Variants in CNTN5 observed in about 807,000 individuals in gnomAD.
CNTN5 encodes contactin 5.
A neutral mutation model predicts 129.1 loss-of-function variants in CNTN5; 77 were observed. The ratio of observed to expected loss-of-function variants is 0.60; its 90% CI spans 0.50 to 0.72. The LOEUF is 0.72. Among genes scored for constraint, CNTN5 ranks in the 30% least tolerant of loss-of-function variants. The pLI is 0.00. For synonymous variants in CNTN5, 509 were observed against 465.6 expected (o/e 1.09, Z -1.20); for missense variants, 1,478 against 1,328.8 (o/e 1.11, Z -1.75).
At chr11:100,174,823 G>A (rs1195965052) in intron 13 of CNTN5, among the ~76,000 whole-genome samples, 6 of 152,078 alleles carry the variant, frequency 3.9e-5, no homozygotes, top group Non-Finnish European at 7.4e-5. Flanking sequence ...CTGAGCCCCA[G>A]GGGTGGTGGC....
chr11:99,630,800 GTGT>G (rs1223088619), intron 3 of CNTN5, among the ~76,000 whole-genome samples: 1 of 152,054 alleles, frequency 6.6e-6, no homozygotes, highest in Non-Finnish European at 1.5e-5. Flanking sequence ...AGATTCTTCA[GTGT>G]TGTTGCTTTT....
intron 23 of CNTN5, among the ~76,000 whole-genome samples, chr11:100,350,481 T>C (rs1952382487): frequency 6.6e-6 from 1 of 151,794 alleles, no homozygotes; most frequent in Non-Finnish European, 1.5e-5. Flanking sequence ...CCTCTGGAAG[T>C]CCTTCACTAA....
intron 16 of CNTN5, among the ~76,000 whole-genome samples, chr11:100,235,188 T>G (rs1367012309): frequency 3.9e-5 from 6 of 152,230 alleles, no homozygotes; most frequent in Non-Finnish European, 7.3e-5. Context: ...TCCCATTTAT[T>G]TATATATTTT....
At chr11:99,496,388 G>A (rs543290307) in intron 2 of CNTN5, among the ~76,000 whole-genome samples, 44 of 152,202 alleles carry the variant, frequency 2.9e-4, no homozygotes, top group African/African-American at 1.0e-3. Context: ...CAGAAAGGTA[G>A]GATGAAATGT....
chr11:99,660,866 G>A (rs1055062533), intron 3 of CNTN5, among the ~76,000 whole-genome samples: 2 of 151,662 alleles, frequency 1.3e-5, no homozygotes, highest in Admixed American at 6.6e-5. Context: ...TAGTTCCTTG[G>A]TAAAGTTTTC....
chr11:99,679,096 A>T (rs1953435331), intron 3 of CNTN5, among the ~76,000 whole-genome samples: 1 of 144,606 alleles, frequency 6.9e-6, no homozygotes, highest in Non-Finnish European at 1.5e-5. Flanking sequence ...ACATATACAC[A>T]CATATATAGG....
At chr11:100,123,818 C>T (rs1403981798) in intron 13 of CNTN5, among the ~76,000 whole-genome samples, 1 of 151,664 alleles carries the variant, frequency 6.6e-6, no homozygotes, top group African/African-American at 2.4e-5. Context: ...TTGAGTTAAC[C>T]AGTATTTATT....
chr11:99,052,538 T>C (rs1864469758), intron 1 of CNTN5, among the ~76,000 whole-genome samples: 1 of 151,974 alleles, frequency 6.6e-6, no homozygotes, highest in South Asian at 2.1e-4. Context: ...AGATTTAGGT[T>C]TGTGCATACA....
rs976441803 is a variant in CNTN5 at position 100,332,656 on chromosome 11, G to A, written c.2731-7807G>A. ...GATACAGGGATAGTTTAACACGTAA[G>A]TCAGTAAATGTGATACACCACATAA... is the stretch of plus-strand genomic sequence containing the variant. On this transcript the variant is annotated intron_variant, in intron 21 of 24. Coordinates refer to ENST00000524871, the MANE Select transcript of CNTN5 (RefSeq NM_014361.4). Among the ~76,000 whole-genome samples the A allele has an allele frequency of 3.6e-4, 54 of 152,062 alleles. 3 individuals carry two copies. Among genetic ancestry groups the A allele is most frequent in the Non-Finnish European group, 1.5e-5 (1 of 67,976 alleles).
chr11:100,009,451 T>TAA (rs35373665), intron 9 of CNTN5, among the ~76,000 whole-genome samples: 1 of 148,662 alleles, frequency 6.7e-6, no homozygotes, highest in Non-Finnish European at 1.5e-5. Context: ...CAGCAAAGTG[T>TAA]AAAAAAAAAA....
chr11:100,059,694 A>T (rs1008838954), intron 9 of CNTN5, among the ~76,000 whole-genome samples: 1 of 152,152 alleles, frequency 6.6e-6, no homozygotes, highest in African/African-American at 2.4e-5. Flanking sequence ...ATCAAATGCG[A>T]TGCTGGCAAA....
intron 1 of CNTN5, among the ~76,000 whole-genome samples, chr11:99,321,533 A>T (rs538080926): frequency 6.6e-6 from 1 of 152,038 alleles, no homozygotes; most frequent in Admixed American, 6.6e-5. Flanking sequence ...ACCTCCTTTG[A>T]TAATAAGTAT....
intron 7 of CNTN5, among the ~76,000 whole-genome samples, chr11:99,937,037 C>A (rs1950331253): frequency 6.6e-6 from 1 of 152,068 alleles, no homozygotes; most frequent in African/African-American, 2.4e-5. Flanking sequence ...ATATTTTATT[C>A]TCCTGCTAAA....
At chr11:99,812,458 CA>C (rs1452335128) in intron 3 of CNTN5, among the ~76,000 whole-genome samples, 1 of 151,928 alleles carries the variant, frequency 6.6e-6, no homozygotes, top group East Asian at 1.9e-4. Context: ...ATAATAATAA[CA>C]AAAAATAATA....
rs951032939 is a variant in CNTN5, at chr11:99,316,445, T to C, written c.-209-8901T>C. Among the ~76,000 whole-genome samples, 5 of 152,218 alleles carry C rather than the reference T, an allele frequency of 3.3e-5. No homozygotes were observed. The East Asian group carries it at 9.6e-4, about 29-fold the overall frequency. On this transcript the variant is annotated intron_variant, in intron 1 of 24. Transcript: ENST00000524871. Reference sequence around the variant, plus strand: ...ATTTCTTAAAATCTGAGAAATTATTTCAATGACAATTTTTTTCTACAGTAT... The same window carrying C: ...ATTTCTTAAAATCTGAGAAATTATTCCAATGACAATTTTTTTCTACAGTAT...
chr11:100,331,731 GA>G (rs1340063151), intron 21 of CNTN5, among the ~76,000 whole-genome samples: 2 of 152,124 alleles, frequency 1.3e-5, no homozygotes, highest in Non-Finnish European at 2.9e-5. Context: ...GCTCCTGAAT[GA>G]TTGCTGGCTC....
chr11:99,047,455 T>C (rs1864261122), intron 1 of CNTN5, among the ~76,000 whole-genome samples: 1 of 150,810 alleles, frequency 6.6e-6, no homozygotes, highest in African/African-American at 2.4e-5. Context: ...TAAATTGAAA[T>C]TATAAAATAT....
At chr11:99,441,700 T>C (rs1943834805) in intron 2 of CNTN5, among the ~76,000 whole-genome samples, 2 of 152,234 alleles carry the variant, frequency 1.3e-5, no homozygotes, top group South Asian at 4.1e-4. Flanking sequence ...ATTAAAATTG[T>C]AAAATTAGGA....
intron 1 of CNTN5, among the ~76,000 whole-genome samples, chr11:99,133,181 G>A (rs1461425504): frequency 6.6e-6 from 1 of 152,162 alleles, no homozygotes; most frequent in East Asian, 1.9e-4. Context: ...AATAAATGGT[G>A]CTGGGAGAAC....
Sources: gnomAD v4.1 joint callset for allele counts (sites outside exome capture counted in the v4.1 genomes callset) on GRCh38, gnomAD v4.1.1 for gene constraint, MANE v1.5 for transcripts, NCBI Gene and HGNC (gene_info 2026-07-23, HGNC 2026-07-21) for gene names.